The following LYN variants were observed in gnomAD, a reference collection of about 807,000 sequenced individuals.
LYN encodes LYN proto-oncogene, Src family tyrosine kinase, also known as tyrosine-protein kinase Lyn.
In LYN, 12 loss-of-function variants were observed where a neutral mutation model predicts 65.0. The ratio of observed to expected loss-of-function variants is 0.18; its 90% CI spans 0.12 to 0.30. The LOEUF (loss-of-function observed/expected upper bound fraction) is 0.30, where lower values mean the gene tolerates loss of function less well. Among genes scored for constraint, LYN ranks in the 10% least tolerant of loss-of-function variants. The pLI is 1.00. For missense variants in LYN, 380 were observed against 623.2 expected, an observed-to-expected ratio of 0.61 and a Z score of 4.16; for synonymous variants, 222 against 221.2, an observed-to-expected ratio of 1.00 and a Z score of -0.03.
chr8:55,949,714 C>T (rs1229002456), intron 4 of LYN, among the ~76,000 whole-genome samples: 1 of 152,152 alleles, frequency 6.6e-6, no homozygotes, highest in East Asian at 1.9e-4. Context: ...ATTCAAAACC[C>T]TCACTCCTGG....
At chr8:55,943,244 T>C (rs1036452967) in intron 2 of LYN, among the ~76,000 whole-genome samples, 3 of 152,202 alleles carry the variant, frequency 2.0e-5, no homozygotes, top group African/African-American at 7.2e-5. Context: ...GCCTGCTTTC[T>C]ATGGAATTCT....
In LYN at chr8:55,942,019, C is replaced by A. The variant is rs765602172; in HGVS notation, c.132+28C>A. 1.9e-6 allele frequency: 3 copies of A among 1,610,414 alleles called. No individual in the cohort carries two copies. The South Asian group carries it at 3.3e-5, about 18-fold the overall frequency. On this transcript the variant is annotated intron_variant, in intron 2 of 12. Coordinates refer to ENST00000519728, the MANE Select transcript of LYN (RefSeq NM_002350.4). ...AAGTAGATAGTCTCAGGGGAGAATT[C>A]CCACAGCAAGATCAAAGCATGGCTA... is the stretch of plus-strand genomic sequence containing the variant.
chr8:55,904,741 T>G (rs1015342577), intron 1 of LYN, among the ~76,000 whole-genome samples: 5 of 152,022 alleles, frequency 3.3e-5, no homozygotes, highest in African/African-American at 9.7e-5. Context: ...AGAGCGAGAC[T>G]CCATCTCAAA....
At chr8:55,941,393 C>G (rs1209380254) in intron 1 of LYN, among the ~76,000 whole-genome samples, 1 of 152,192 alleles carries the variant, frequency 6.6e-6, no homozygotes, top group Non-Finnish European at 1.5e-5. Flanking sequence ...GCCATGTTAT[C>G]TTGAGCTCAT....
chr8:55,890,298 C>T lies in LYN; in HGVS notation c.-6+10195C>T, dbSNP rs1585565168. ...CCACACTCCATCCTGGGTGACAGAG[C>T]GACAGCCTGTCTGTAAAATAATAAT... On this transcript the variant is annotated intron_variant, in intron 1 of 12. Transcript: ENST00000519728. Among the ~76,000 whole-genome samples the T allele has an allele frequency of 2.6e-5, 4 of 151,974 alleles. No homozygotes were observed. The South Asian group carries it at 6.2e-4, about 24-fold the overall frequency.
chr8:55,887,000 T>TC (rs1278477518), intron 1 of LYN, among the ~76,000 whole-genome samples: 1 of 152,158 alleles, frequency 6.6e-6, no homozygotes, highest in Non-Finnish European at 1.5e-5. Flanking sequence ...CATATTTTCA[T>TC]CCCCCCTTCC....
intron 1 of LYN, among the ~76,000 whole-genome samples, chr8:55,918,912 G>A (rs1805856251): frequency 6.7e-6 from 1 of 150,208 alleles, no homozygotes; most frequent in Non-Finnish European, 1.5e-5. Context: ...TCAGCAGCGA[G>A]AATGGGCTGG....
chr8:55,949,651 G>A (rs73590303), intron 4 of LYN, among the ~76,000 whole-genome samples: 4,154 of 152,292 alleles, frequency 0.027, 117 homozygotes, highest in African/African-American at 0.071. Context: ...TCAAGTCAGC[G>A]TAATTAGCAT....
intron 8 of LYN, among the ~76,000 whole-genome samples, chr8:55,964,980 G>A (rs1382294088): frequency 6.6e-6 from 1 of 152,138 alleles, no homozygotes; most frequent in African/African-American, 2.4e-5. Flanking sequence ...CCAGGCAGCA[G>A]GAACTGCAGG....
chr8:55,906,698 C>T (rs1164170393), intron 1 of LYN, among the ~76,000 whole-genome samples: 3 of 150,174 alleles, frequency 2.0e-5, no homozygotes, highest in African/African-American at 7.4e-5. Context: ...CGTAGCAAGA[C>T]CCAGTCTCTA....
At chr8:55,893,774 C>T (rs1323281805) in intron 1 of LYN, 3 of 149,138 alleles carry the variant, frequency 2.0e-5, no homozygotes, top group African/African-American at 4.9e-5. Flanking sequence ...AGAAAATTTT[C>T]CTTTTATTTT....
intron 10 of LYN, among the ~76,000 whole-genome samples, chr8:55,979,068 T>C (rs1285633730): frequency 1.3e-5 from 2 of 150,310 alleles, no homozygotes; most frequent in African/African-American, 4.9e-5. Flanking sequence ...TTTTTTTTTT[T>C]TTTGAGATGG....
intron 8 of LYN, among the ~76,000 whole-genome samples, chr8:55,958,845 T>C (rs900729118): frequency 6.6e-6 from 1 of 152,248 alleles, no homozygotes; most frequent in Non-Finnish European, 1.5e-5. Flanking sequence ...CATAACCTTT[T>C]GTTTATTCAT....
chr8:55,972,058 C>T (rs1399308337), intron 10 of LYN, among the ~76,000 whole-genome samples: 1 of 152,142 alleles, frequency 6.6e-6, no homozygotes, highest in Non-Finnish European at 1.5e-5. Flanking sequence ...GCCAGTTTAC[C>T]AAATCCAGCC....
chr8:55,927,583 C>T (rs1255065989), intron 1 of LYN, among the ~76,000 whole-genome samples: 1 of 152,040 alleles, frequency 6.6e-6, no homozygotes, highest in East Asian at 1.9e-4. Context: ...GTCTGTAATC[C>T]CAGCACTTTG....
intron 1 of LYN, among the ~76,000 whole-genome samples, chr8:55,940,547 T>C (rs190675082): frequency 6.6e-6 from 1 of 152,230 alleles, no homozygotes; most frequent in African/African-American, 2.4e-5. Context: ...AGCTAATTTT[T>C]GTATATTTAG....
At chr8:55,910,422 G>C (rs1805566084) in intron 1 of LYN, among the ~76,000 whole-genome samples, 1 of 152,106 alleles carries the variant, frequency 6.6e-6, no homozygotes, top group Non-Finnish European at 1.5e-5. Flanking sequence ...CCCAGTGTAT[G>C]TTTTTGTTGA....
At chr8:55,990,329 A>C (rs2130569137) in intron 10 of LYN, among the ~76,000 whole-genome samples, 1 of 151,840 alleles carries the variant, frequency 6.6e-6, no homozygotes, top group Admixed American at 6.6e-5. Flanking sequence ...GCTTGAGTTA[A>C]GGTATAGGAA....
intron 10 of LYN, among the ~76,000 whole-genome samples, chr8:55,990,257 A>T (rs1808211817): frequency 6.6e-6 from 1 of 151,424 alleles, no homozygotes; most frequent in South Asian, 2.1e-4. Context: ...AAAAAAAAAA[A>T]AAAAAAGTCC....
Sources: gnomAD v4.1 joint callset for allele counts (sites outside exome capture counted in the v4.1 genomes callset) on GRCh38, gnomAD v4.1.1 for gene constraint, MANE v1.5 for transcripts, NCBI Gene and HGNC (gene_info 2026-07-23, HGNC 2026-07-21) for gene names.